CLCN6: variants seen among roughly 807,000 people sequenced by gnomAD.
The protein encoded by CLCN6 is H(+)/Cl(-) exchange transporter 6.
Under a neutral mutation model 109.8 loss-of-function variants are expected in CLCN6, and 70 were observed. That is an observed-to-expected ratio of 0.64 (90% CI 0.53 to 0.78). The LOEUF (loss-of-function observed/expected upper bound fraction) is 0.78, where lower values mean the gene tolerates loss of function less well. Among genes scored for constraint, CLCN6 ranks in the 30% least tolerant of loss-of-function variants. The pLI is 0.00. For missense variants in CLCN6, 984 were observed against 1,142.3 expected, an observed-to-expected ratio of 0.86 and a Z score of 2.00; for synonymous variants, 444 against 447.8, an observed-to-expected ratio of 0.99 and a Z score of 0.11.
At position 11,834,451 on chromosome 1, in the gene CLCN6, G is replaced by A. The variant is rs368448657; in HGVS notation, c.1687-33G>A. The A allele has an allele frequency of 2.5e-5, 41 of 1,613,646 alleles. No homozygotes were observed. The highest frequency in any genetic ancestry group is 4.5e-5 in the East Asian group (2 of 44,892). On this transcript the variant is annotated intron_variant, in intron 16 of 22. Transcript: ENST00000346436. This position sits in a 1 kb window ranked among gnomAD's most constrained non-coding sequence, Gnocchi z 4.5. Reference sequence around the variant, plus strand: ...GCTCAGGGCCACGTCCGCCCCACAGGACCTATTTTTAGGTCTTTGCTTTGT... The same window carrying A: ...GCTCAGGGCCACGTCCGCCCCACAGAACCTATTTTTAGGTCTTTGCTTTGT...
In CLCN6 at chr1:11,836,168, A is replaced by G. The variant is rs376028896; in HGVS notation, c.1980+15A>G. On this transcript the variant is annotated intron_variant, in intron 18 of 22. Coordinates refer to ENST00000346436, the MANE Select transcript of CLCN6 (RefSeq NM_001286.5). ...TCAAGTTCAAGGTAAAGAAAACGGC[A>G]TGAGAGGAAAGGCAGGTGAGAGACA... The G allele has an allele frequency of 1.3e-4, 215 of 1,608,074 alleles. No homozygotes were observed. The highest frequency in any genetic ancestry group is 1.7e-4 in the Non-Finnish European group (204 of 1,177,110).
At chr1:11,809,186 T>C (rs143116093) in intron 2 of CLCN6, among the ~76,000 whole-genome samples, 1 of 152,254 alleles carries the variant, frequency 6.6e-6, no homozygotes, top group East Asian at 1.9e-4. Context: ...AAGTATTTGT[T>C]TTCTTGTACA....
intron 5 of CLCN6, chr1:11,820,465 A>G (rs1389759026): frequency 7.2e-6 from 5 of 696,196 alleles, no homozygotes; most frequent in African/African-American, 7.2e-5. Flanking sequence ...GGCACAGACT[A>G]TAAGAAAAAA....
Position 11,840,391 on chromosome 1 carries a change from G to A in CLCN6, c.*168G>A. The A allele has an allele frequency of 3.0e-6, 2 of 656,224 alleles. No homozygotes were observed. Among genetic ancestry groups the A allele is most frequent in the South Asian group, 3.4e-5 (2 of 58,570 alleles). The allele number at this position is 656,224 out of a possible 1,614,324, so 40.7% of individuals were successfully genotyped here. ...TTGCTGGTCAGAGGTCCTGGGGGTG[G>A]TTTTGAACCATCAGAGCTTGGACTT... On this transcript the variant is annotated 3_prime_UTR_variant, in exon 23 of 23. Transcript: ENST00000346436.
At chr1:11,813,989 A>G (rs1196453822) in intron 2 of CLCN6, among the ~76,000 whole-genome samples, 1 of 152,084 alleles carries the variant, frequency 6.6e-6, no homozygotes, top group Admixed American at 6.6e-5. Flanking sequence ...ATAGTTTACT[A>G]TATTTGGATG....
rs1645024357 is a variant in CLCN6, at chr1:11,841,588, A to G, written c.*1365A>G. ...CGTGCTTTGGCTCAAGATGGCCTTC[A>G]TTTACGTTTAGTTTTTTTTAAAACC... is the stretch of plus-strand genomic sequence containing the variant. On this transcript the variant is annotated 3_prime_UTR_variant, in exon 23 of 23. Coordinates refer to ENST00000346436, the MANE Select transcript of CLCN6 (RefSeq NM_001286.5). 6.6e-6 allele frequency: 1 copy of G among 152,158 alleles called. No homozygotes were observed. The highest frequency in any genetic ancestry group is 2.1e-4 in the South Asian group (1 of 4,834). 9.4% of individuals were successfully genotyped at this position (152,158 alleles called of 1,614,324 possible). A position where few individuals can be genotyped will look rare whatever the true frequency, so the allele number is the denominator to read the frequency against.
chr1:11,816,845 C>CA (rs1644679580), intron 4 of CLCN6, among the ~76,000 whole-genome samples, 165 bp downstream of exon 4: 1 of 146,608 alleles, frequency 6.8e-6, no homozygotes, highest in Non-Finnish European at 1.5e-5. Context: ...TCTTTTTTCC[C>CA]TTTTTTTTTT....
intron 2 of CLCN6, among the ~76,000 whole-genome samples, chr1:11,811,845 G>C (rs913585400): frequency 6.6e-6 from 1 of 151,940 alleles, no homozygotes; most frequent in Admixed American, 6.6e-5. Flanking sequence ...AAATGTTTAC[G>C]GAACCATATC....
At chr1:11,814,823 G>A (rs1356549585) in intron 2 of CLCN6, among the ~76,000 whole-genome samples, 4 of 151,956 alleles carry the variant, frequency 2.6e-5, no homozygotes, top group African/African-American at 9.7e-5. Context: ...ACGAGGTCAG[G>A]AGATCGAGAC....
rs751812413 is a variant in CLCN6 at position 11,828,639 on chromosome 1, G to A, written c.1121+15G>A. ...AAGCTCGTCAGGTATCTGCACAGTC[G>A]CCTCCCCCCCGAGCCTGCTGCGGCT... On this transcript the variant is annotated intron_variant, in intron 12 of 22. Transcript: ENST00000346436. 15 of 1,583,932 alleles carry A rather than the reference G, an allele frequency of 9.5e-6. No individual in the cohort carries two copies. Among genetic ancestry groups the A allele is most frequent in the Non-Finnish European group, 1.2e-5 (14 of 1,164,512 alleles).
At chr1:11,829,392 C>T in intron 13 of CLCN6, 70 bp downstream of exon 13, 1 of 1,560,888 alleles carries the variant, frequency 6.4e-7, no homozygotes. Flanking sequence ...TGACCTTCCT[C>T]TGTTGAGAAC....
chr1:11,812,472 C>G (rs576083993), intron 2 of CLCN6, among the ~76,000 whole-genome samples: 2 of 152,240 alleles, frequency 1.3e-5, no homozygotes, highest in African/African-American at 4.8e-5. Flanking sequence ...ATCACCAGCC[C>G]TTGGTGATCA....
At chr1:11,828,255 G>T in intron 11 of CLCN6, 36 bp downstream of exon 11, 1 of 1,579,586 alleles carries the variant, frequency 6.3e-7, no homozygotes, top group South Asian at 1.1e-5. Context: ...TTTTTAATTT[G>T]ACCCATGAAA....
intron 18 of CLCN6, among the ~76,000 whole-genome samples, chr1:11,836,559 C>G (rs1364168270): frequency 6.6e-6 from 1 of 152,108 alleles, no homozygotes; most frequent in Non-Finnish European, 1.5e-5. Flanking sequence ...CTGTGGGGAG[C>G]AGTGCAGGGT....
chr1:11,809,569 T>C (rs1644571101), intron 2 of CLCN6, among the ~76,000 whole-genome samples: 1 of 152,132 alleles, frequency 6.6e-6, no homozygotes. Flanking sequence ...GCTGTTCTCC[T>C]ACCTCAGCCT....
Position 11,839,599 on chromosome 1 carries a change from A to G in CLCN6, c.2530-544A>G, listed in dbSNP as rs1644993905. Among the ~76,000 whole-genome samples the G allele has an allele frequency of 2.0e-5, 3 of 152,220 alleles. 1 individual carries two copies. The South Asian group carries it at 6.2e-4, about 31-fold the overall frequency. ...TCTATGCGGCACAACCCTGGCATGC[A>G]TAGTGCGTACTTACACAGGTTTTGT... is the stretch of plus-strand genomic sequence containing the variant. On this transcript the variant is annotated intron_variant, in intron 22 of 22. Transcript: ENST00000346436.
intron 14 of CLCN6, 79 bp downstream of exon 14, chr1:11,833,717 C>T: frequency 1.9e-6 from 3 of 1,594,166 alleles, no homozygotes; most frequent in East Asian, 4.5e-5. Flanking sequence ...TCATTCCAAG[C>T]AAGACCAGGA....
At chr1:11,828,720 C>A in intron 12 of CLCN6, 96 bp downstream of exon 12, 2 of 1,293,526 alleles carry the variant, frequency 1.5e-6, no homozygotes, top group East Asian at 2.3e-5. Flanking sequence ...CCTGCCTCCA[C>A]GGCTTTGATT....
intron 7 of CLCN6, among the ~76,000 whole-genome samples, chr1:11,824,201 C>T (rs577899934): frequency 3.3e-5 from 5 of 152,294 alleles, no homozygotes; most frequent in South Asian, 2.1e-4. Flanking sequence ...CATTTAAGAA[C>T]GTAAAAGCCA....
Sources: allele counts gnomAD v4.1 joint callset (sites outside exome capture counted in the v4.1 genomes callset), GRCh38; gene constraint gnomAD v4.1.1; non-coding constraint Gnocchi (gnomAD v3.1); transcripts MANE v1.5; gene names NCBI Gene and HGNC (gene_info 2026-07-23, HGNC 2026-07-21).